The following SEMA6D variants were observed in gnomAD, a reference collection of about 807,000 sequenced individuals.
The protein encoded by SEMA6D is semaphorin-6D.
Under a neutral mutation model 106.6 loss-of-function variants are expected in SEMA6D, and 35 were observed. That is an observed-to-expected ratio of 0.33 (90% CI 0.25 to 0.44). SEMA6D has a LOEUF of 0.44. SEMA6D is among the 20% of genes least tolerant of loss of function. The pLI is 1.00. For missense variants in SEMA6D, 1,185 were observed against 1,345.9 expected, an observed-to-expected ratio of 0.88 and a Z score of 1.87; for synonymous variants, 499 against 487.7, an observed-to-expected ratio of 1.02 and a Z score of -0.31.
intron 1 of SEMA6D, among the ~76,000 whole-genome samples, chr15:47,296,624 C>G (rs2035812869): frequency 6.6e-6 from 1 of 152,180 alleles, no homozygotes; most frequent in African/African-American, 2.4e-5. Context: ...ACCAGATACA[C>G]TGTTTTAACT....
At chr15:47,454,599 GCACACACA>G (rs71118183) in intron 2 of SEMA6D, among the ~76,000 whole-genome samples, 6 of 148,988 alleles carry the variant, frequency 4.0e-5, no homozygotes, top group South Asian at 2.1e-4. Context: ...TTGCACATGT[GCACACACA>G]CACACACACA....
chr15:47,254,319 A>ATGTGTG (rs370707378), intron 1 of SEMA6D, among the ~76,000 whole-genome samples: 5 of 134,654 alleles, frequency 3.7e-5, no homozygotes, highest in Non-Finnish European at 8.1e-5. Flanking sequence ...ATGTATATAT[A>ATGTGTG]TGTGTGTGTG....
At chr15:47,552,896 A>ATATTTT (rs1555389717) in intron 3 of SEMA6D, among the ~76,000 whole-genome samples, 2 of 85,042 alleles carry the variant, frequency 2.4e-5, no homozygotes, top group Admixed American at 1.8e-4. Flanking sequence ...ATATAAATAT[A>ATATTTT]TATATATATA....
intron 4 of SEMA6D, among the ~76,000 whole-genome samples, chr15:47,681,745 T>A (rs2078357011): frequency 6.6e-6 from 1 of 152,172 alleles, no homozygotes; most frequent in African/African-American, 2.4e-5. Flanking sequence ...TTCTTTACAG[T>A]GGTGATATGA....
At chr15:47,377,668 G>A (rs2039495730) in intron 1 of SEMA6D, among the ~76,000 whole-genome samples, 1 of 152,192 alleles carries the variant, frequency 6.6e-6, no homozygotes. Context: ...GGCAAGGAGT[G>A]GCTGAGTCAG....
intron 18 of SEMA6D, among the ~76,000 whole-genome samples, 190 bp from the exon 19 acceptor site, chr15:47,770,307 A>AT (rs1249806854): frequency 6.6e-6 from 1 of 152,180 alleles, no homozygotes; most frequent in Non-Finnish European, 1.5e-5. Context: ...ATTTGCAGCA[A>AT]TCCTGTATGT....
chr15:47,509,581 C>G lies in SEMA6D; in HGVS notation c.-87+39036C>G, dbSNP rs540119870. On this transcript the variant is annotated intron_variant, in intron 3 of 19. Transcript: ENST00000558014. ...CCCGAATTATGGTATCCTTGTATCTCCATACAGCTACTTTCTATCCCAAAA... is the reference window on the plus strand; with the variant it reads ...CCCGAATTATGGTATCCTTGTATCTGCATACAGCTACTTTCTATCCCAAAA... Among the ~76,000 whole-genome samples, 14 of 152,320 alleles carry G rather than the reference C, an allele frequency of 9.2e-5. No individual in the cohort carries two copies. In the South Asian group the frequency reaches 1.5e-3, roughly 16 times the overall value.
intron 4 of SEMA6D, among the ~76,000 whole-genome samples, chr15:47,683,323 T>C (rs776292279): frequency 1.3e-5 from 2 of 152,208 alleles, no homozygotes; most frequent in Non-Finnish European, 2.9e-5. Context: ...TGATTTTCTG[T>C]TTCTGAGTTA....
chr15:47,682,687 C>G (rs560530487), intron 4 of SEMA6D, among the ~76,000 whole-genome samples: 22 of 152,112 alleles, frequency 1.4e-4, no homozygotes, highest in Non-Finnish European at 3.2e-4. Context: ...AGTAAAAGAC[C>G]AATTAAACTA....
intron 1 of SEMA6D, among the ~76,000 whole-genome samples, chr15:47,316,468 C>T (rs1477529645): frequency 6.6e-6 from 1 of 151,950 alleles, no homozygotes; most frequent in Non-Finnish European, 1.5e-5. Context: ...GGACATCTTG[C>T]CTTGTTCCTC....
intron 4 of SEMA6D, among the ~76,000 whole-genome samples, chr15:47,678,926 A>T (rs562891193): frequency 8.2e-4 from 125 of 152,290 alleles, no homozygotes; most frequent in Admixed American, 1.9e-3. Context: ...TTAAGATGTT[A>T]AAATGGGAAT....
intron 4 of SEMA6D, among the ~76,000 whole-genome samples, chr15:47,708,205 G>A (rs1247702696): frequency 1.3e-5 from 2 of 152,140 alleles, no homozygotes; most frequent in East Asian, 3.8e-4. Flanking sequence ...AAACACATGA[G>A]GAAAACATTC....
chr15:47,308,454 T>C (rs1224823965), intron 1 of SEMA6D, among the ~76,000 whole-genome samples: 2 of 152,232 alleles, frequency 1.3e-5, no homozygotes, highest in Non-Finnish European at 2.9e-5. Flanking sequence ...TAAAGTATTA[T>C]ACTTTACCTA....
chr15:47,324,780 A>G (rs2037059786), intron 1 of SEMA6D, among the ~76,000 whole-genome samples: 1 of 151,720 alleles, frequency 6.6e-6, no homozygotes, highest in South Asian at 2.1e-4. Flanking sequence ...ACGCTATTAT[A>G]CATGTGTATG....
At chr15:47,415,793 C>G (rs1455758609) in intron 2 of SEMA6D, among the ~76,000 whole-genome samples, 1 of 152,074 alleles carries the variant, frequency 6.6e-6, no homozygotes, top group African/African-American at 2.4e-5. Flanking sequence ...TAATCTTTGC[C>G]CTTGCAAAGA....
At chr15:47,503,610 C>T (rs1180983288) in intron 3 of SEMA6D, among the ~76,000 whole-genome samples, 1 of 152,024 alleles carries the variant, frequency 6.6e-6, no homozygotes, top group African/African-American at 2.4e-5. Flanking sequence ...ATGGCATAAA[C>T]ATTAATGTCA....
At chr15:47,377,992 ATGT>A (rs2039507536) in intron 1 of SEMA6D, among the ~76,000 whole-genome samples, 1 of 152,150 alleles carries the variant, frequency 6.6e-6, no homozygotes, top group African/African-American at 2.4e-5. Flanking sequence ...TTACCTGGAA[ATGT>A]TGTTCATGGG....
At chr15:47,356,010 C>G (rs1328360062) in intron 1 of SEMA6D, among the ~76,000 whole-genome samples, 1 of 152,212 alleles carries the variant, frequency 6.6e-6, no homozygotes, top group Non-Finnish European at 1.5e-5. Flanking sequence ...GAGGGACAGT[C>G]TAACCCAGAG....
intron 1 of SEMA6D, among the ~76,000 whole-genome samples, chr15:47,223,054 A>G (rs2031344574): frequency 6.6e-6 from 1 of 152,190 alleles, no homozygotes; most frequent in Non-Finnish European, 1.5e-5. Context: ...TGACTGGGCC[A>G]TGATCCCAGG....
Sources: allele counts gnomAD v4.1 joint callset (sites outside exome capture counted in the v4.1 genomes callset), GRCh38; gene constraint gnomAD v4.1.1; transcripts MANE v1.5; gene names NCBI Gene and HGNC (gene_info 2026-07-23, HGNC 2026-07-21).